FOXP2: variants seen among roughly 807,000 people sequenced by gnomAD.
FOXP2 encodes the protein forkhead box protein P2.
FOXP2 carries 12 observed loss-of-function variants against 115.8 expected under a neutral mutation model. The observed-to-expected ratio is 0.10, with a 90% CI of 0.07 to 0.17. The LOEUF (loss-of-function observed/expected upper bound fraction) is 0.17, where lower values mean the gene tolerates loss of function less well. Among genes scored for constraint, FOXP2 ranks in the 10% least tolerant of loss-of-function variants. The pLI is 1.00. For missense variants in FOXP2, 629 were observed against 843.5 expected (o/e 0.75, Z 3.15); for synonymous variants, 328 against 297.7 (o/e 1.10, Z -1.05).
chr7:114,125,016 G>T (rs1219950967), intron 1 of FOXP2, among the ~76,000 whole-genome samples: 1 of 152,100 alleles, frequency 6.6e-6, no homozygotes, highest in East Asian at 1.9e-4. Context: ...AGCAAAAGCA[G>T]AACTCAAACC....
chr7:114,521,678 G>T (rs1318234278), intron 2 of FOXP2, among the ~76,000 whole-genome samples: 1 of 151,950 alleles, frequency 6.6e-6, no homozygotes, highest in African/African-American at 2.4e-5. Context: ...TAATTTTTTG[G>T]ATCTTCACTT....
At chr7:114,242,862 A>G (rs1668333) in intron 1 of FOXP2, among the ~76,000 whole-genome samples, 83,863 of 151,930 alleles carry the variant, frequency 0.55, 26,291 homozygotes, top group Admixed American at 0.74. Context: ...ATAAGTAGAA[A>G]TGTCCTGCCT....
chr7:114,360,620 T>C (rs906823980), intron 2 of FOXP2, among the ~76,000 whole-genome samples: 2 of 152,178 alleles, frequency 1.3e-5, no homozygotes, highest in Admixed American at 1.3e-4. Flanking sequence ...AGTTTGGTTT[T>C]CTGATACTTA....
intron 1 of FOXP2, among the ~76,000 whole-genome samples, chr7:114,155,987 C>A (rs1436244543): frequency 6.6e-6 from 1 of 152,068 alleles, no homozygotes; most frequent in East Asian, 1.9e-4. Flanking sequence ...GGGAGGGGAG[C>A]ATGTGCAGTG....
At chr7:114,324,666 A>G (rs534156730) in intron 2 of FOXP2, among the ~76,000 whole-genome samples, 1 of 151,882 alleles carries the variant, frequency 6.6e-6, no homozygotes, top group Non-Finnish European at 1.5e-5. Flanking sequence ...AATGGAATTT[A>G]ATAACCAATC....
intron 1 of FOXP2, among the ~76,000 whole-genome samples, chr7:114,235,693 T>C (rs1794990940): frequency 6.6e-6 from 1 of 152,212 alleles, no homozygotes; most frequent in South Asian, 2.1e-4. Flanking sequence ...TAGTTGAGAA[T>C]AGCGTTGGCA....
rs374911012 is a variant in FOXP2 at position 114,669,338 on chromosome 7, G to C, written c.2003+4902G>C. Reference sequence around the variant, plus strand: ...CATAATAATTTTTTGAAACTTCTTTGACTGTTTTGACTCAACTACTTATTG... The same window carrying C: ...CATAATAATTTTTTGAAACTTCTTTCACTGTTTTGACTCAACTACTTATTG... On this transcript the variant is annotated intron_variant, in intron 16 of 16. Coordinates refer to ENST00000350908, the MANE Select transcript of FOXP2 (RefSeq NM_014491.4). 8.6e-5 allele frequency: 13 copies of C among 151,970 alleles called. 1 individual carries two copies. The South Asian group carries it at 2.5e-3, about 29-fold the overall frequency. 9.4% of individuals were successfully genotyped at this position (151,970 alleles called of 1,614,324 possible).
At chr7:114,327,449 T>C (rs1378238475) in intron 2 of FOXP2, among the ~76,000 whole-genome samples, 2 of 152,172 alleles carry the variant, frequency 1.3e-5, no homozygotes, top group Non-Finnish European at 2.9e-5. Flanking sequence ...ATTAAATATT[T>C]CCTGATACTA....
In FOXP2 at chr7:114,155,270, C is replaced by A. The variant is rs562542681; in HGVS notation, c.-246-7674C>A. On this transcript the variant is annotated intron_variant, in intron 1 of 19. Coordinates refer to the FOXP2 transcript ENST00000635638. ...TTCAAGCCATGATGGGAAGGGGGATCAGACATGCCTCATTATATCCTCTTC... is the reference window on the plus strand; with the variant it reads ...TTCAAGCCATGATGGGAAGGGGGATAAGACATGCCTCATTATATCCTCTTC... Among the ~76,000 whole-genome samples, 7 of 152,180 alleles carry A rather than the reference C, an allele frequency of 4.6e-5. No individual in the cohort carries two copies. The East Asian group carries it at 1.2e-3, about 25-fold the overall frequency.
intron 1 of FOXP2, among the ~76,000 whole-genome samples, chr7:114,424,690 T>C (rs1310268888): frequency 2.0e-5 from 3 of 151,546 alleles, no homozygotes; most frequent in Non-Finnish European, 4.4e-5. Flanking sequence ...TTTATATGAT[T>C]TTTTCTTTGT....
intron 4 of FOXP2, chr7:114,629,032 T>C (rs1416499636): frequency 7.9e-6 from 2 of 252,976 alleles, no homozygotes; most frequent in East Asian, 1.1e-4. Context: ...CCTAACACCT[T>C]AGCATTCCTT....
chr7:114,254,045 C>A (rs1795529106), intron 1 of FOXP2, among the ~76,000 whole-genome samples: 1 of 152,236 alleles, frequency 6.6e-6, no homozygotes, highest in Middle Eastern at 3.4e-3. Flanking sequence ...TTCTCCTTCA[C>A]TTATGAAGCT....
intron 1 of FOXP2, among the ~76,000 whole-genome samples, chr7:114,111,904 C>G (rs1791276731): frequency 6.6e-6 from 1 of 151,766 alleles, no homozygotes; most frequent in African/African-American, 2.4e-5. Context: ...AGACTGTTCC[C>G]AGGGCCAAAG....
At chr7:114,110,334 T>G (rs1791237162) in intron 1 of FOXP2, among the ~76,000 whole-genome samples, 2 of 152,166 alleles carry the variant, frequency 1.3e-5, no homozygotes, top group South Asian at 4.1e-4. Flanking sequence ...ACAATAGAAT[T>G]AAAAGTATAT....
intron 3 of FOXP2, among the ~76,000 whole-genome samples, chr7:114,536,389 TTTC>T (rs1234150268): frequency 7.9e-6 from 1 of 127,356 alleles, no homozygotes; most frequent in African/African-American, 3.2e-5. Flanking sequence ...GGCTTTAGTT[TTTC>T]TTTTCTTTTT....
At chr7:114,232,813 C>CAA (rs35497556) in intron 1 of FOXP2, among the ~76,000 whole-genome samples, 65 of 120,064 alleles carry the variant, frequency 5.4e-4, no homozygotes, top group East Asian at 7.9e-4. Context: ...AACTCCGTCT[C>CAA]AAAAAAAAAA....
intron 3 of FOXP2, among the ~76,000 whole-genome samples, chr7:114,562,577 C>T (rs1266273587): frequency 6.6e-6 from 1 of 152,154 alleles, no homozygotes; most frequent in African/African-American, 2.4e-5. Context: ...GCCAATTTCT[C>T]TTCCTGTGCA....
chr7:114,237,711 C>T (rs1562830164), intron 1 of FOXP2, among the ~76,000 whole-genome samples: 1 of 151,922 alleles, frequency 6.6e-6, no homozygotes, highest in African/African-American at 2.4e-5. Flanking sequence ...CAGAGCCTCA[C>T]ACCTCTAATC....
intron 1 of FOXP2, among the ~76,000 whole-genome samples, chr7:114,201,833 C>T (rs566868510): frequency 1.2e-4 from 19 of 152,178 alleles, no homozygotes; most frequent in African/African-American, 4.1e-4. Context: ...TATGAAATGG[C>T]GCAGTTGCCT....
Sources: allele counts gnomAD v4.1 joint callset (sites outside exome capture counted in the v4.1 genomes callset), GRCh38; gene constraint gnomAD v4.1.1; transcripts MANE v1.5; gene names NCBI Gene and HGNC (gene_info 2026-07-23, HGNC 2026-07-21).